The following SLC27A6 variants were observed in gnomAD, a reference collection of about 807,000 sequenced individuals.
The protein encoded by SLC27A6 is solute carrier family 27 member 6.
In SLC27A6, 74 loss-of-function variants were observed where a neutral mutation model predicts 63.9. The observed-to-expected ratio is 1.16, with a 90% CI of 0.96 to 1.40. The LOEUF is 1.40. Ranked by LOEUF, SLC27A6 falls within the 40% of genes most tolerant of loss-of-function variation. The probability of loss-of-function intolerance (pLI) is 0.00; values close to 1 mark genes in which losing one functional copy is unlikely to be tolerated. For missense variants in SLC27A6, 794 were observed against 732.9 expected (o/e 1.08, Z -0.96); for synonymous variants, 287 against 260.8 (o/e 1.10, Z -0.97).
chr5:129,004,110 C>T (rs1293736414), intron 4 of SLC27A6, among the ~76,000 whole-genome samples: 1 of 152,080 alleles, frequency 6.6e-6, no homozygotes, highest in Non-Finnish European at 1.5e-5. Context: ...CAGTTAGCCA[C>T]TCAGGATTTA....
chr5:129,031,543 A>AT (rs1235152320), intron 9 of SLC27A6, among the ~76,000 whole-genome samples: 2 of 152,000 alleles, frequency 1.3e-5, no homozygotes, highest in Non-Finnish European at 2.9e-5. Context: ...GTTTGCATAT[A>AT]TTTTGACTTA....
At chr5:129,025,040 A>G (rs1752190264) in intron 6 of SLC27A6, among the ~76,000 whole-genome samples, 1 of 152,280 alleles carries the variant, frequency 6.6e-6, no homozygotes, top group South Asian at 2.1e-4. Context: ...GCACTTTTCT[A>G]CTGTTCTATT....
At chr5:129,027,059 A>T in intron 6 of SLC27A6, 74 bp from the exon 7 acceptor site, 1 of 1,222,566 alleles carries the variant, frequency 8.2e-7, no homozygotes, top group Non-Finnish European at 1.2e-6. Flanking sequence ...GCCAGATATA[A>T]TATAGATACA....
chr5:129,026,460 C>A (rs955910035), intron 6 of SLC27A6, among the ~76,000 whole-genome samples: 1 of 152,060 alleles, frequency 6.6e-6, no homozygotes, highest in Non-Finnish European at 1.5e-5. Flanking sequence ...CATCTCTTTC[C>A]CATCAAAAAT....
At chr5:128,983,312 G>A (rs1282610585) in intron 1 of SLC27A6, among the ~76,000 whole-genome samples, 6 of 18,690 alleles carry the variant, frequency 3.2e-4, no homozygotes, top group African/African-American at 7.7e-4. Context: ...TTTTTTTTGA[G>A]ACAGAGTTTT....
intron 4 of SLC27A6, among the ~76,000 whole-genome samples, chr5:128,995,223 G>C (rs564565582): frequency 2.6e-5 from 4 of 152,310 alleles, no homozygotes; most frequent in African/African-American, 9.6e-5. Flanking sequence ...TCTTGCTGCA[G>C]AGTTTGTCTT....
At chr5:128,981,163 G>A (rs1022298453) in intron 1 of SLC27A6, among the ~76,000 whole-genome samples, 1 of 152,096 alleles carries the variant, frequency 6.6e-6, no homozygotes, top group African/African-American at 2.4e-5. Context: ...CTACAATGTA[G>A]ACTTTGTTAA....
chr5:129,001,600 G>T (rs575152504), intron 4 of SLC27A6, among the ~76,000 whole-genome samples: 11 of 152,252 alleles, frequency 7.2e-5, no homozygotes, highest in African/African-American at 2.2e-4. Flanking sequence ...GCATTAAATG[G>T]TTAGTTATCT....
At chr5:129,002,486 CTCGT>C (rs1178724696) in intron 4 of SLC27A6, among the ~76,000 whole-genome samples, 2 of 94,486 alleles carry the variant, frequency 2.1e-5, no homozygotes, top group East Asian at 3.3e-3. Context: ...CCTTCCCTCT[CTCGT>C]TCCTTCCCTC....
chr5:129,016,186 A>G lies in SLC27A6; in HGVS notation c.1164+107A>G, dbSNP rs531722629. On this transcript the variant is annotated intron_variant, in intron 5 of 9. Coordinates refer to ENST00000262462, the MANE Select transcript of SLC27A6 (RefSeq NM_001017372.3). ...GGTGGGCAGATCATGAGGTCAGGAG[A>G]TCGAGACCATCCTGGCCAACACAGT... 2.8e-6 allele frequency: 2 copies of G among 722,952 alleles called. 1 individual carries two copies. The highest frequency in any genetic ancestry group is 5.6e-5 in the East Asian group (2 of 35,890). The allele number at this position is 722,952 out of a possible 1,614,324, so 44.8% of individuals were successfully genotyped here. A position where few individuals can be genotyped will look rare whatever the true frequency, so the allele number is the denominator to read the frequency against.
intron 1 of SLC27A6, among the ~76,000 whole-genome samples, chr5:128,981,521 C>G (rs1006029934): frequency 4.0e-5 from 6 of 151,746 alleles, no homozygotes; most frequent in African/African-American, 1.5e-4. Flanking sequence ...TCTCATTTTC[C>G]TGCAGTAGTT....
At position 128,981,412 on chromosome 5, in the gene SLC27A6, C is replaced by T. The variant is rs149789023; in HGVS notation, c.482-3721C>T. 8.0e-3 allele frequency among the ~76,000 whole-genome samples: 1,211 copies of T among 150,538 alleles called. 11 individuals are homozygous for T. The highest frequency in any genetic ancestry group is 0.024 in the Middle Eastern group (7 of 292). ...AGGAGAATCACTTGAACCTGGGTGGCGGAGGTTGTAGTGAGCCGAGTTTGG... is the reference window on the plus strand; with the variant it reads ...AGGAGAATCACTTGAACCTGGGTGGTGGAGGTTGTAGTGAGCCGAGTTTGG... On this transcript the variant is annotated intron_variant, in intron 1 of 9. Coordinates refer to ENST00000262462, the MANE Select transcript of SLC27A6 (RefSeq NM_001017372.3).
At chr5:129,001,740 T>A (rs779293090) in intron 4 of SLC27A6, among the ~76,000 whole-genome samples, 19 of 152,218 alleles carry the variant, frequency 1.2e-4, no homozygotes, top group Non-Finnish European at 2.4e-4. Flanking sequence ...TTACCTGTAT[T>A]TAAACAGAGC....
chr5:129,015,643 G>C (rs889366170), intron 4 of SLC27A6, among the ~76,000 whole-genome samples: 2 of 151,884 alleles, frequency 1.3e-5, no homozygotes, highest in African/African-American at 4.8e-5. Context: ...AGCCTTTAGT[G>C]ATCTGCAATT....
intron 4 of SLC27A6, among the ~76,000 whole-genome samples, chr5:128,991,257 G>A (rs11953704): frequency 0.28 from 42,253 of 152,062 alleles, 5,896 homozygotes; most frequent in South Asian, 0.35. Flanking sequence ...CAAGCCCCAT[G>A]TTTAAAGGTA....
In SLC27A6 at chr5:129,033,462, G is replaced by T. The variant is rs1047999; in HGVS notation, c.*180G>T. On this transcript the variant is annotated 3_prime_UTR_variant, in exon 10 of 10. Transcript: ENST00000262462. ...TAATTTCTTTTAATTGATATAAACA[G>T]TAGTTGATTATTCTTTTTATCTATT... The T allele has an allele frequency of 0.78, 270,240 of 347,998 alleles. 105,914 individuals carry two copies. The highest frequency in any genetic ancestry group is 0.99 in the East Asian group (20,377 of 20,520). The allele number at this position is 347,998 out of a possible 1,614,324, so 21.6% of individuals were successfully genotyped here.
chr5:128,975,313 T>C (rs1750338649), intron 1 of SLC27A6, among the ~76,000 whole-genome samples: 1 of 152,200 alleles, frequency 6.6e-6, no homozygotes, highest in African/African-American at 2.4e-5. Flanking sequence ...ATCGTGCAAC[T>C]ACACTCCGGT....
rs1262711984 is a variant in SLC27A6 at position 129,033,275 on chromosome 5, A to G, written c.1853A>G (p.Lys618Arg). 6.4e-7 allele frequency: 1 copy of G among 1,554,194 alleles called. No homozygotes were observed. The highest frequency in any genetic ancestry group is 1.4e-5 in the African/African-American group (1 of 72,282). ...GATCAAATAATGTTAGGGGAAATAA[A>G]ACTTTAAGATTTTTATATCTAGAAC... ...LYDQIMLGEI[K>R]L is the part of the protein sequence containing the mutation. Residue 618 changes from lysine to arginine, a missense_variant, in exon 10 of 10, where the codon AAA (lysine) becomes AGA (arginine). Coordinates refer to ENST00000262462, the MANE Select transcript of SLC27A6 (RefSeq NM_001017372.3).
At position 128,985,150 on chromosome 5, in the gene SLC27A6, G is replaced by A. The variant is rs1343429403; in HGVS notation, c.499G>A (p.Glu167Lys). 1.2e-6 allele frequency: 2 copies of A among 1,613,486 alleles called. No homozygotes were observed. The highest frequency in any genetic ancestry group is 4.5e-5 in the East Asian group (2 of 44,874). ...VVGADLLGTVEEILPSLSENI... is the reference protein window; with the variant it reads ...VVGADLLGTVKEILPSLSENI... The stretch of plus-strand genomic sequence containing the variant: ...GCTTTTAGATTTGCTTGGAACGGTA[G>A]AAGAAATCCTTCCAAGCCTCTCAGA... Residue 167 changes from glutamate (E) to lysine (K), a missense_variant, in exon 2 of 10, where the codon GAA (glutamate) becomes AAA (lysine). By Grantham distance (56) the Glu-to-Lys change is moderately conservative. Coordinates refer to ENST00000262462, the MANE Select transcript of SLC27A6 (RefSeq NM_001017372.3).
Sources: allele counts gnomAD v4.1 joint callset (sites outside exome capture counted in the v4.1 genomes callset), GRCh38; gene constraint gnomAD v4.1.1; transcripts MANE v1.5; gene names NCBI Gene and HGNC (gene_info 2026-07-23, HGNC 2026-07-21).